Variants in MAF observed in about 807,000 individuals in gnomAD.
MAF encodes transcription factor Maf.
Under a neutral mutation model 22.0 loss-of-function variants are expected in MAF, and 10 were observed. The observed-to-expected ratio is 0.45, with a 90% CI of 0.28 to 0.77. The LOEUF is 0.77. Ranked by LOEUF, MAF falls within the 30% of genes least tolerant of loss-of-function variation. MAF has a pLI of 0.12. For synonymous variants in MAF, 337 were observed against 255.8 expected (o/e 1.32, Z -3.03); for missense variants, 544 against 548.4 (o/e 0.99, Z 0.08).
chr16:79,561,898 C>A, the MAF span, among the ~76,000 whole-genome samples: 1 of 152,090 alleles, frequency 6.6e-6, no homozygotes, highest in East Asian at 1.9e-4. Flanking sequence ...TTGTTGAGCA[C>A]CTGAAGTATT....
chr16:79,435,787 A>G, the MAF span, among the ~76,000 whole-genome samples: 2 of 152,214 alleles, frequency 1.3e-5, no homozygotes, highest in South Asian at 2.1e-4. Context: ...TTATTTGTCC[A>G]TGTAGATTCC....
At chr16:79,452,038 TAA>T in the MAF span, among the ~76,000 whole-genome samples, 1 of 152,180 alleles carries the variant, frequency 6.6e-6, no homozygotes, top group East Asian at 1.9e-4. Flanking sequence ...TTTCTGTAAA[TAA>T]AGTTTTATTG....
chr16:79,425,149 A>G, the MAF span, among the ~76,000 whole-genome samples: 2 of 152,310 alleles, frequency 1.3e-5, no homozygotes, highest in African/African-American at 2.4e-5. Context: ...ATTTAATGAT[A>G]TTATAATATT....
the MAF span, among the ~76,000 whole-genome samples, chr16:79,392,965 G>C: frequency 6.6e-6 from 1 of 152,158 alleles, no homozygotes; most frequent in African/African-American, 2.4e-5. Flanking sequence ...TCCAGGCCTT[G>C]GCAGCTCCTG....
chr16:79,306,246 T>G, the MAF span, among the ~76,000 whole-genome samples: 2 of 152,224 alleles, frequency 1.3e-5, no homozygotes, highest in Non-Finnish European at 2.9e-5. Context: ...TCCTGTCTTG[T>G]AATCCTGTGT....
At chr16:79,265,080 T>C in the MAF span, among the ~76,000 whole-genome samples, 5 of 152,152 alleles carry the variant, frequency 3.3e-5, no homozygotes, top group Non-Finnish European at 5.9e-5. Context: ...TCTACGAATT[T>C]CCTCATCTGC....
chr16:79,418,948 C>CCA, the MAF span, among the ~76,000 whole-genome samples: 5 of 152,176 alleles, frequency 3.3e-5, no homozygotes, highest in Non-Finnish European at 7.3e-5. Context: ...GTGGTACCAG[C>CCA]AGCAACAATT....
the MAF span, among the ~76,000 whole-genome samples, chr16:79,280,765 C>T: frequency 6.6e-6 from 1 of 152,186 alleles, no homozygotes; most frequent in Non-Finnish European, 1.5e-5. Context: ...ATCCTGGCTT[C>T]CCTGTCACTA....
At chr16:79,215,635 G>C in the MAF span, among the ~76,000 whole-genome samples, 2 of 152,034 alleles carry the variant, frequency 1.3e-5, no homozygotes, top group African/African-American at 4.8e-5. Context: ...ATGAGGCCTC[G>C]GGGAACTTTG....
In MAF at chr16:79,599,960, G is replaced by T. The variant is rs1403763329; in HGVS notation, c.-58C>A. On this transcript the variant is annotated 5_prime_UTR_variant, in exon 1 of 2. Transcript: ENST00000326043. ...TCCGCCAGATGGGCTGCAGGAGAGGGGCCAGCGGGCTGTGCTGGGTGGCCA... is the reference window on the plus strand; with the variant it reads ...TCCGCCAGATGGGCTGCAGGAGAGGTGCCAGCGGGCTGTGCTGGGTGGCCA... 1.3e-6 allele frequency: 2 copies of T among 1,595,578 alleles called. No homozygotes were observed. Among genetic ancestry groups the T allele is most frequent in the Admixed American group, 1.7e-5 (1 of 59,886 alleles).
chr16:79,282,707 G>A, the MAF span, among the ~76,000 whole-genome samples: 3 of 152,152 alleles, frequency 2.0e-5, no homozygotes, highest in Non-Finnish European at 2.9e-5. Flanking sequence ...AAAACTGTAA[G>A]TAGATCTCTT....
At chr16:79,268,746 A>G in the MAF span, among the ~76,000 whole-genome samples, 2 of 152,232 alleles carry the variant, frequency 1.3e-5, no homozygotes, top group South Asian at 4.1e-4. Context: ...CAGTTTCAAA[A>G]GAGGACCCCA....
At chr16:79,392,456 G>A in the MAF span, among the ~76,000 whole-genome samples, 1 of 149,262 alleles carries the variant, frequency 6.7e-6, no homozygotes, top group Admixed American at 6.7e-5. Flanking sequence ...GGAGGAGAAG[G>A]GAAGGGAGTG....
chr16:79,493,719 C>A, the MAF span, among the ~76,000 whole-genome samples: 5,767 of 152,294 alleles, frequency 0.038, 399 homozygotes, highest in African/African-American at 0.13. Flanking sequence ...ATGACAGCCA[C>A]CTCAGCTTGC....
At chr16:79,246,549 T>TG in the MAF span, among the ~76,000 whole-genome samples, 5 of 117,046 alleles carry the variant, frequency 4.3e-5, no homozygotes, top group East Asian at 2.3e-4. Flanking sequence ...TTGGGGGGGG[T>TG]GTGGGGGTGT....
At chr16:79,354,177 G>A in the MAF span, among the ~76,000 whole-genome samples, 1 of 151,860 alleles carries the variant, frequency 6.6e-6, no homozygotes, top group Admixed American at 6.6e-5. Context: ...GTTTTCAGTA[G>A]AGATAGAGTT....
At chr16:79,225,772 G>A in the MAF span, among the ~76,000 whole-genome samples, 1 of 152,170 alleles carries the variant, frequency 6.6e-6, no homozygotes, top group Non-Finnish European at 1.5e-5. Flanking sequence ...GCAAACATAT[G>A]AAAAAATGCT....
chr16:79,286,110 G>A, the MAF span, among the ~76,000 whole-genome samples: 18 of 152,280 alleles, frequency 1.2e-4, no homozygotes, highest in African/African-American at 4.3e-4. Flanking sequence ...TAGGCATCTG[G>A]GTGATATGGG....
chr16:79,227,389 G>A, the MAF span, among the ~76,000 whole-genome samples: 1 of 152,106 alleles, frequency 6.6e-6, no homozygotes, highest in South Asian at 2.1e-4. Context: ...CTGGCTGGTT[G>A]TCTGAATTAC....
Sources: allele counts gnomAD v4.1 joint callset (sites outside exome capture counted in the v4.1 genomes callset), GRCh38; gene constraint gnomAD v4.1.1; transcripts MANE v1.5; gene names NCBI Gene and HGNC (gene_info 2026-07-23, HGNC 2026-07-21).